Variants in ZBTB10 observed in about 807,000 individuals in gnomAD.
ZBTB10 encodes zinc finger and BTB domain-containing protein 10.
In ZBTB10, 32 loss-of-function variants were observed where a neutral mutation model predicts 76.4. The observed-to-expected ratio is 0.42, with a 90% confidence interval of 0.32 to 0.56. The LOEUF is 0.56. ZBTB10 is among the 20% of genes least tolerant of loss of function. The pLI is 0.14. For missense variants in ZBTB10, 1,057 were observed against 1,098.5 expected (o/e 0.96, Z 0.53); for synonymous variants, 523 against 432.9 (o/e 1.21, Z -2.58).
Position 80,486,509 on chromosome 8 carries a change from T to C in ZBTB10, c.-302T>C. 1.0e-6 allele frequency: 1 copy of C among 984,998 alleles called. No homozygotes were observed. The highest frequency in any genetic ancestry group is 1.2e-6 in the Non-Finnish European group (1 of 829,962). The allele number at this position is 984,998 out of a possible 1,614,324, so 61.0% of individuals were successfully genotyped here. On this transcript the variant is annotated 5_prime_UTR_variant, in exon 1 of 6. Transcript: ENST00000455036. ...GCTCGCTGCAGGCTCGCTCCTCACC[T>C]CTCCGCCGCCCGCCCCCTTCTCCGC...
intron 1 of ZBTB10, among the ~76,000 whole-genome samples, chr8:80,498,020 A>G (rs1002852361): frequency 6.6e-6 from 1 of 152,270 alleles, no homozygotes; most frequent in African/African-American, 2.4e-5. Flanking sequence ...GAGCAGCACT[A>G]TAATTTTTAG....
In ZBTB10 at chr8:80,487,505, A is replaced by G. The variant is rs571557661; in HGVS notation, c.695A>G (p.Gln232Arg). 3.9e-6 allele frequency: 6 copies of G among 1,558,330 alleles called. No homozygotes were observed. The East Asian group carries it at 9.7e-5, about 25-fold the overall frequency. The change falls in exon 1 of 6, where the codon CAG becomes CGG. Residue 232 changes from glutamine to arginine, a missense_variant. Physicochemically the swap from Gln to Arg is conservative, Grantham distance 43. Coordinates refer to ENST00000455036, the MANE Select transcript of ZBTB10 (RefSeq NM_001105539.3). Reference protein sequence around the residue: ...GVGAGEGETVQHFPLARPKSL... With the variant: ...GVGAGEGETVRHFPLARPKSL... Reference sequence around the variant, plus strand: ...GGAGCTGGCGAAGGAGAGACTGTCCAGCACTTCCCGCTCGCGCGGCCCAAG... The same window carrying G: ...GGAGCTGGCGAAGGAGAGACTGTCCGGCACTTCCCGCTCGCGCGGCCCAAG...
Position 80,486,862 on chromosome 8 carries a change from T to C in ZBTB10, c.52T>C (p.Leu18=). ...GACGCTGGCGTTCCGAGGAGGCGGG[T>C]TGGTCACCGCTAGCGGCGGCGGCTC... is the stretch of plus-strand genomic sequence containing the variant. The part of the protein sequence containing the change: ...RRTLAFRGGG[L]VTASGGGSTN... The change falls in exon 1 of 6, where the codon TTG becomes CTG. Residue 18 remains leucine (L), a synonymous_variant. Transcript: ENST00000455036. 2 of 1,505,888 alleles carry C rather than the reference T, an allele frequency of 1.3e-6. No individual in the cohort carries two copies. The highest frequency in any genetic ancestry group is 1.8e-6 in the Non-Finnish European group (2 of 1,129,352). The allele number at this position is 1,505,888 out of a possible 1,614,324, so 93.3% of individuals were successfully genotyped here. A position where few individuals can be genotyped will look rare whatever the true frequency, so the allele number is the denominator to read the frequency against.
At chr8:80,509,595 G>T (rs1816140224) in intron 2 of ZBTB10, among the ~76,000 whole-genome samples, 1 of 152,052 alleles carries the variant, frequency 6.6e-6, no homozygotes, top group Admixed American at 6.6e-5. Flanking sequence ...CATGACCAAG[G>T]CACCAAGATT....
rs1310762187 is a variant in ZBTB10, at chr8:80,525,964, A to G, written c.*6436A>G. The G allele has an allele frequency of 6.6e-6, 1 of 152,174 alleles. No individual in the cohort carries two copies. The highest frequency in any genetic ancestry group is 6.5e-5 in the Admixed American group (1 of 15,272). 9.4% of individuals were successfully genotyped at this position (152,174 alleles called of 1,614,324 possible). On this transcript the variant is annotated 3_prime_UTR_variant, in exon 6 of 6. Coordinates refer to ENST00000455036, the MANE Select transcript of ZBTB10 (RefSeq NM_001105539.3). ...TTGGGATCCTTTCCCTGGATACATA[A>G]CCCTAGTAGATAATGTTACTGCAAG... is the stretch of plus-strand genomic sequence containing the variant.
chr8:80,500,113 A>G lies in ZBTB10; in HGVS notation c.1592A>G (p.Tyr531Cys), dbSNP rs1376370294. The change falls in exon 2 of 6, where the codon TAC becomes TGC. Residue 531 changes from tyrosine (Y) to cysteine (C), a missense_variant. Tyr to Cys is a radical substitution (Grantham distance 194). This residue lies in a region of ZBTB10 where 306 missense variants were observed against 297.5 expected (regional missense o/e 1.03). Coordinates refer to ENST00000455036, the MANE Select transcript of ZBTB10 (RefSeq NM_001105539.3). ...CNVDEGQIEN[Y>C]QMNDSSWVQD... is the part of the protein sequence containing the mutation. ...GTCGACGAGGGCCAAATAGAAAACTACCAAATGAATGACAGTAGTTGGGTC... is the reference window on the plus strand; with the variant it reads ...GTCGACGAGGGCCAAATAGAAAACTGCCAAATGAATGACAGTAGTTGGGTC... 1 of 1,613,982 alleles carries G rather than the reference A, an allele frequency of 6.2e-7. No homozygotes were observed. The highest frequency in any genetic ancestry group is 1.1e-5 in the South Asian group (1 of 91,080).
intron 2 of ZBTB10, among the ~76,000 whole-genome samples, chr8:80,505,915 A>AT (rs58176444): frequency 0.037 from 4,838 of 131,898 alleles, 99 homozygotes; most frequent in Non-Finnish European, 0.046. Flanking sequence ...TGCCTGGCTA[A>AT]TTTTTTTTTT....
upstream of ZBTB10, chr8:80,486,170 C>A: frequency 1.2e-6 from 1 of 858,650 alleles, no homozygotes. Context: ...CCCACCCTTT[C>A]CCCCTCCAGC....
At chr8:80,498,256 T>C (rs899375465) in intron 1 of ZBTB10, among the ~76,000 whole-genome samples, 4 of 152,248 alleles carry the variant, frequency 2.6e-5, no homozygotes, top group African/African-American at 4.8e-5. Context: ...TGTCAGTACT[T>C]TGAGCCTGTT....
chr8:80,518,368 T>C, intron 3 of ZBTB10, 35 bp from the exon 4 acceptor site: 1 of 1,523,872 alleles, frequency 6.6e-7, no homozygotes, highest in South Asian at 1.3e-5. Context: ...AGATCTTTAT[T>C]ACCATTATTA....
In ZBTB10 at chr8:80,493,193, A is replaced by ACGCGCGCG. The variant is rs1199081931; in HGVS notation, c.972+5419_972+5426dup. Among the ~76,000 whole-genome samples the ACGCGCGCG allele has an allele frequency of 6.0e-3, 739 of 124,056 alleles. 4 individuals are homozygous for ACGCGCGCG. The highest frequency in any genetic ancestry group is 7.7e-3 in the Non-Finnish European group (453 of 59,130). 81.4% of individuals were successfully genotyped at this position (124,056 alleles called of 152,430 possible). A position where few individuals can be genotyped will look rare whatever the true frequency, so the allele number is the denominator to read the frequency against. ...GCGACAAGCAAGACTGTGCCTCAAAACGCGCGCGCGCGCGCACACACACAC... is the reference window on the plus strand; with the variant it reads ...GCGACAAGCAAGACTGTGCCTCAAAACGCGCGCGCGCGCGCGCGCGCGCACACACACAC... On this transcript the variant is annotated intron_variant, in intron 1 of 5. Transcript: ENST00000455036.
intron 1 of ZBTB10, among the ~76,000 whole-genome samples, chr8:80,488,182 G>T (rs1815531194): frequency 1.3e-5 from 2 of 152,196 alleles, no homozygotes; most frequent in African/African-American, 4.8e-5. Context: ...TAGTGTGCTG[G>T]TCGAAGTCAA....
Position 80,486,845 on chromosome 8 carries a change from C to A in ZBTB10, c.35C>A (p.Ala12Glu). The A allele has an allele frequency of 6.6e-7, 1 of 1,505,006 alleles. No homozygotes were observed. The allele number at this position is 1,505,006 out of a possible 1,614,324, so 93.2% of individuals were successfully genotyped here. Residue 12 changes from alanine to glutamate, a missense_variant, in exon 1 of 6, where the codon GCG (alanine) becomes GAG (glutamate). By Grantham distance (107) the Ala-to-Glu change is moderately radical. Around this residue, in one of 5 missense-constraint regions of ZBTB10, gnomAD observed 556 missense variants for 451.7 expected, o/e 1.23. Coordinates refer to ENST00000455036, the MANE Select transcript of ZBTB10 (RefSeq NM_001105539.3). ...AGTGAAATGAACCGCAGGACGCTGGCGTTCCGAGGAGGCGGGTTGGTCACC... is the reference window on the plus strand; with the variant it reads ...AGTGAAATGAACCGCAGGACGCTGGAGTTCCGAGGAGGCGGGTTGGTCACC... Reference protein sequence around the residue: ...SFSEMNRRTLAFRGGGLVTAS... With the variant: ...SFSEMNRRTLEFRGGGLVTAS...
In ZBTB10 at chr8:80,499,556, T is replaced by C; in HGVS notation, c.1035T>C (p.Ser345=). The C allele has an allele frequency of 6.2e-7, 1 of 1,613,968 alleles. No individual in the cohort carries two copies. Among genetic ancestry groups the C allele is most frequent in the Non-Finnish European group, 8.5e-7 (1 of 1,179,864 alleles). The change falls in exon 2 of 6, where the codon TCT becomes TCC. Residue 345 remains serine (S), a synonymous_variant. Coordinates refer to ENST00000455036, the MANE Select transcript of ZBTB10 (RefSeq NM_001105539.3). The part of the protein sequence containing the change: ...CDFNSRPNEN[S]YCYQLLRQLN... ...TTAATAGTAGGCCAAATGAGAACTC[T>C]TATTGCTATCAACTTCTGCGACAAC... is the stretch of plus-strand genomic sequence containing the variant.
At position 80,520,698 on chromosome 8, in the gene ZBTB10, C is replaced by T. The variant is rs972652058; in HGVS notation, c.*1170C>T. ...TTTTTTTCTGTCCTTGAAGTCACTA[C>T]ACCTTGATACAGTCTTTCTAGTAGT... On this transcript the variant is annotated 3_prime_UTR_variant, in exon 6 of 6. Coordinates refer to ENST00000455036, the MANE Select transcript of ZBTB10 (RefSeq NM_001105539.3). 6.6e-6 allele frequency: 1 copy of T among 151,954 alleles called. No individual in the cohort carries two copies. The highest frequency in any genetic ancestry group is 1.5e-5 in the Non-Finnish European group (1 of 67,894). 9.4% of individuals were successfully genotyped at this position (151,954 alleles called of 1,614,324 possible).
Position 80,487,744 on chromosome 8 carries a change from G to T in ZBTB10, c.934G>T (p.Val312Phe), listed in dbSNP as rs757314449. The change falls in exon 1 of 6, where the codon GTC becomes TTC. Residue 312 changes from valine (V) to phenylalanine (F), a missense_variant. Val to Phe is a conservative substitution (Grantham distance 50). Coordinates refer to ENST00000455036, the MANE Select transcript of ZBTB10 (RefSeq NM_001105539.3). ...YKKTLLLRHH[V>F]STEHKLHEAN... Reference sequence around the variant, plus strand: ...GAAAACCCTCCTCCTGAGGCACCACGTCTCTACCGAGCACAAACTCCACGA... The same window carrying T: ...GAAAACCCTCCTCCTGAGGCACCACTTCTCTACCGAGCACAAACTCCACGA... 1.2e-6 allele frequency: 2 copies of T among 1,610,004 alleles called. No individual in the cohort carries two copies. Among genetic ancestry groups the T allele is most frequent in the South Asian group, 2.2e-5 (2 of 90,524 alleles).
chr8:80,513,234 C>T (rs1021659587), intron 2 of ZBTB10, among the ~76,000 whole-genome samples: 9 of 152,210 alleles, frequency 5.9e-5, no homozygotes, highest in East Asian at 3.9e-4. Flanking sequence ...CTCTGCCTCC[C>T]GGACTCAGGC....
intron 2 of ZBTB10, among the ~76,000 whole-genome samples, chr8:80,503,777 G>A (rs1475801329): frequency 6.6e-6 from 1 of 152,134 alleles, no homozygotes; most frequent in African/African-American, 2.4e-5. Context: ...GCCCACTTTG[G>A]CCTCCCAAAG....
At chr8:80,514,038 C>T (rs372604487) in intron 3 of ZBTB10, 30 bp downstream of exon 3, 2 of 1,578,258 alleles carry the variant, frequency 1.3e-6, no homozygotes, top group East Asian at 2.2e-5. Context: ...AGCAACAGTA[C>T]ATTTAAGATT....
Sources: allele counts gnomAD v4.1 joint callset (sites outside exome capture counted in the v4.1 genomes callset), GRCh38; gene constraint gnomAD v4.1.1; regional missense constraint gnomAD v4.1.1; transcripts MANE v1.5; gene names NCBI Gene and HGNC (gene_info 2026-07-23, HGNC 2026-07-21).